Variants in SEMA3C observed in about 807,000 individuals in gnomAD.
The protein encoded by SEMA3C is semaphorin 3C.
A neutral mutation model predicts 89.4 loss-of-function variants in SEMA3C; 47 were observed. The ratio of observed to expected loss-of-function variants is 0.53; its 90% CI spans 0.42 to 0.67. SEMA3C has a LOEUF of 0.67. Ranked by LOEUF, SEMA3C falls within the 30% of genes least tolerant of loss-of-function variation. The probability of loss-of-function intolerance (pLI) is 0.00; values close to 1 mark genes in which losing one functional copy is unlikely to be tolerated. For missense variants in SEMA3C, 839 were observed against 929.1 expected, an observed-to-expected ratio of 0.90 and a Z score of 1.26; for synonymous variants, 310 against 320.2, an observed-to-expected ratio of 0.97 and a Z score of 0.34.
chr7:80,880,662 C>T (rs142117520), intron 2 of SEMA3C, among the ~76,000 whole-genome samples: 2,346 of 152,266 alleles, frequency 0.015, 59 homozygotes, highest in African/African-American at 0.053. Context: ...TGGTGGCTCA[C>T]GCCTGTAATC....
intron 15 of SEMA3C, 37 bp downstream of exon 15, chr7:80,758,294 C>G (rs1443968063): frequency 6.3e-7 from 1 of 1,591,762 alleles, no homozygotes; most frequent in African/African-American, 1.4e-5. Flanking sequence ...GTCTGGTGTC[C>G]TACATTTGGA....
At chr7:80,765,847 T>G (rs567013251) in intron 12 of SEMA3C, among the ~76,000 whole-genome samples, 7 of 152,212 alleles carry the variant, frequency 4.6e-5, no homozygotes, top group Admixed American at 6.5e-5. Flanking sequence ...AAAGTGCTGG[T>G]ATTACAGGCG....
intron 14 of SEMA3C, among the ~76,000 whole-genome samples, chr7:80,760,362 A>G (rs1003500842): frequency 2.0e-5 from 3 of 152,142 alleles, no homozygotes; most frequent in African/African-American, 7.2e-5. Context: ...TTCTCTTTCC[A>G]TTAACTACTG....
At chr7:80,821,148 T>C (rs192400967) in intron 4 of SEMA3C, among the ~76,000 whole-genome samples, 3 of 152,386 alleles carry the variant, frequency 2.0e-5, no homozygotes, top group Non-Finnish European at 4.4e-5. Context: ...CTTTTATTTT[T>C]ACCTCTAGAA....
rs567412699 is a variant in SEMA3C, at chr7:80,863,966, CATATAT to C, written c.104-35227_104-35222del. On this transcript the variant is annotated intron_variant, in intron 2 of 17. Coordinates refer to ENST00000265361, the MANE Select transcript of SEMA3C (RefSeq NM_006379.5). ...TAATATGTATATCACATGTATATCA[CATATAT>C]ATCACATATATCACATGTATATCAC... 2.9e-5 allele frequency among the ~76,000 whole-genome samples: 4 copies of C among 135,938 alleles called. 1 individual carries two copies. In the South Asian group the frequency reaches 9.4e-4, roughly 32 times the overall value. 89.2% of individuals were successfully genotyped at this position (135,938 alleles called of 152,430 possible).
chr7:80,873,997 G>C (rs1367131518), intron 2 of SEMA3C, among the ~76,000 whole-genome samples: 2 of 152,102 alleles, frequency 1.3e-5, no homozygotes, highest in African/African-American at 4.8e-5. Flanking sequence ...CTTCTTTCAA[G>C]ATCACCTCAA....
intron 9 of SEMA3C, among the ~76,000 whole-genome samples, chr7:80,801,301 G>A (rs1789202312): frequency 2.6e-5 from 4 of 152,074 alleles, no homozygotes; most frequent in Admixed American, 2.6e-4. Context: ...GGAGCTGGAA[G>A]ATGGAATAAA....
chr7:80,827,392 G>GTTTTTTTT lies in SEMA3C; in HGVS notation c.327+25_327+32dup, dbSNP rs36066966. 25 of 1,234,272 alleles carry GTTTTTTTT rather than the reference G, an allele frequency of 2.0e-5. No individual in the cohort carries two copies. In the South Asian group the frequency reaches 2.2e-4, roughly 11 times the overall value. 76.5% of individuals were successfully genotyped at this position (1,234,272 alleles called of 1,614,324 possible). ...TCGAAAACCAAATATTTAAGTTAGT[G>GTTTTTTTT]TTTTTTTTTTTTTTTTTTTTTTTAA... On this transcript the variant is annotated intron_variant, in intron 4 of 17. Coordinates refer to ENST00000265361, the MANE Select transcript of SEMA3C (RefSeq NM_006379.5).
chr7:80,920,094 T>C (rs1051061213), upstream of SEMA3C, among the ~76,000 whole-genome samples: 5 of 152,196 alleles, frequency 3.3e-5, no homozygotes, highest in African/African-American at 1.2e-4. Flanking sequence ...TTCTGAGTTA[T>C]GCCAACAGAT....
chr7:80,785,995 T>C (rs1188163524), intron 12 of SEMA3C, among the ~76,000 whole-genome samples: 2 of 152,212 alleles, frequency 1.3e-5, no homozygotes, highest in Non-Finnish European at 2.9e-5. Context: ...CAGCCGGTTA[T>C]GACAATAAGG....
intron 4 of SEMA3C, among the ~76,000 whole-genome samples, chr7:80,819,250 G>T (rs1017560063): frequency 2.6e-5 from 4 of 151,664 alleles, no homozygotes; most frequent in African/African-American, 9.7e-5. Flanking sequence ...TTATTCCACT[G>T]ATTTATTTCA....
At chr7:80,919,277 G>C (rs1235747109), upstream of SEMA3C, 3 of 984,016 alleles carry the variant, frequency 3.0e-6, no homozygotes, top group Admixed American at 6.2e-5. Flanking sequence ...CTTAGAGCTC[G>C]CGGCTGGCCA....
At chr7:80,751,194 T>G in intron 16 of SEMA3C, 75 bp downstream of exon 16, 3 of 1,191,582 alleles carry the variant, frequency 2.5e-6, no homozygotes, top group Non-Finnish European at 2.5e-6. Context: ...TCTATGACAA[T>G]GTTTCCCCTT....
chr7:80,905,955 G>GT (rs750720750), intron 2 of SEMA3C: 17,487 of 1,040,050 alleles, frequency 0.017, no homozygotes, highest in Non-Finnish European at 0.018. Flanking sequence ...ATTTTGTTTT[G>GT]TTTTTTTTTT....
At chr7:80,751,466 T>C in intron 15 of SEMA3C, 130 bp from the exon 16 acceptor site, 1 of 712,398 alleles carries the variant, frequency 1.4e-6, no homozygotes, top group South Asian at 1.7e-5. Context: ...TTAAAAAGAG[T>C]TCTGATTGAT....
intron 2 of SEMA3C, among the ~76,000 whole-genome samples, chr7:80,848,959 G>T (rs1028764005): frequency 6.6e-6 from 1 of 151,966 alleles, no homozygotes; most frequent in African/African-American, 2.4e-5. Context: ...ACTCTAACAT[G>T]GAGAGATGAT....
chr7:80,858,818 A>C (rs1790704101), intron 2 of SEMA3C, among the ~76,000 whole-genome samples: 1 of 152,148 alleles, frequency 6.6e-6, no homozygotes, highest in Non-Finnish European at 1.5e-5. Flanking sequence ...GGCCCAGACT[A>C]GTTCCCACTT....
chr7:80,881,070 A>G (rs180986432), intron 2 of SEMA3C, among the ~76,000 whole-genome samples: 2 of 152,106 alleles, frequency 1.3e-5, no homozygotes, highest in African/African-American at 2.4e-5. Flanking sequence ...ACTGAAGTTA[A>G]TTTAATTGCA....
intron 2 of SEMA3C, among the ~76,000 whole-genome samples, chr7:80,841,070 G>A (rs1205344132): frequency 6.6e-6 from 1 of 152,046 alleles, no homozygotes; most frequent in African/African-American, 2.4e-5. Context: ...GAAACAAGGA[G>A]CCAACCAACA....
Sources: allele counts gnomAD v4.1 joint callset (sites outside exome capture counted in the v4.1 genomes callset), GRCh38; gene constraint gnomAD v4.1.1; transcripts MANE v1.5; gene names NCBI Gene and HGNC (gene_info 2026-07-23, HGNC 2026-07-21).